Variants in MYO1D observed in about 807,000 individuals in gnomAD.
The protein encoded by MYO1D is myosin ID.
A neutral mutation model predicts 122.0 loss-of-function variants in MYO1D; 83 were observed. That is an observed-to-expected ratio of 0.68 (90% CI 0.57 to 0.82). MYO1D has a LOEUF of 0.82. MYO1D is among the 40% of genes least tolerant of loss of function. The pLI is 0.00. For missense variants in MYO1D, 1,157 were observed against 1,269.5 expected, an observed-to-expected ratio of 0.91 and a Z score of 1.35; for synonymous variants, 464 against 446.9, an observed-to-expected ratio of 1.04 and a Z score of -0.48.
At chr17:32,679,190 T>C (rs1014677484) in intron 16 of MYO1D, among the ~76,000 whole-genome samples, 9 of 151,356 alleles carry the variant, frequency 5.9e-5, no homozygotes, top group Middle Eastern at 3.4e-3. Context: ...TTGCGAAAAT[T>C]TTCTCCCATT....
intron 21 of MYO1D, among the ~76,000 whole-genome samples, chr17:32,566,492 G>A (rs1299562390): frequency 1.3e-5 from 2 of 152,062 alleles, no homozygotes; most frequent in Admixed American, 1.3e-4. Context: ...AGGTGAGCCT[G>A]CAGGTAAGTG....
At chr17:32,582,418 A>G (rs1411341404) in intron 21 of MYO1D, among the ~76,000 whole-genome samples, 3 of 152,214 alleles carry the variant, frequency 2.0e-5, no homozygotes, top group African/African-American at 7.2e-5. Flanking sequence ...CCTTTGACCT[A>G]TAAGTTACTT....
At chr17:32,506,368 G>C (rs1029519601) in intron 21 of MYO1D, among the ~76,000 whole-genome samples, 8 of 152,154 alleles carry the variant, frequency 5.3e-5, no homozygotes, top group Non-Finnish European at 1.2e-4. Flanking sequence ...AGCATTCAAA[G>C]GTCCATGTCT....
chr17:32,611,239 A>G (rs1373550224), intron 20 of MYO1D, among the ~76,000 whole-genome samples: 1 of 152,264 alleles, frequency 6.6e-6, no homozygotes, highest in Non-Finnish European at 1.5e-5. Context: ...TTACGAAATC[A>G]GCGCAAAACA....
intron 14 of MYO1D, among the ~76,000 whole-genome samples, chr17:32,725,172 A>T (rs562985492): frequency 6.6e-6 from 1 of 152,290 alleles, no homozygotes; most frequent in South Asian, 2.1e-4. Flanking sequence ...GAACTGAAAA[A>T]TATAATAAAG....
At chr17:32,706,182 A>T (rs1230765756) in intron 16 of MYO1D, among the ~76,000 whole-genome samples, 2 of 152,222 alleles carry the variant, frequency 1.3e-5, no homozygotes, top group Non-Finnish European at 2.9e-5. Context: ...ATCTCAGGTC[A>T]CTGCAACTTC....
At chr17:32,822,485 C>G (rs1055511348) in intron 1 of MYO1D, among the ~76,000 whole-genome samples, 5 of 147,154 alleles carry the variant, frequency 3.4e-5, no homozygotes, top group Non-Finnish European at 7.6e-5. Flanking sequence ...GCGGGGGGCG[C>G]GCGTCCCCGG....
intron 16 of MYO1D, among the ~76,000 whole-genome samples, chr17:32,702,478 C>T (rs1015565629): frequency 2.6e-5 from 4 of 151,706 alleles, no homozygotes; most frequent in African/African-American, 9.7e-5. Flanking sequence ...TAGCTTGAGG[C>T]TTTTTTTTCC....
Position 32,764,988 on chromosome 17 carries a change from C to G in MYO1D, c.925G>C (p.Asp309His), listed in dbSNP as rs767449548. 5 of 1,614,170 alleles carry G rather than the reference C, an allele frequency of 3.1e-6. No homozygotes were observed. The South Asian group carries it at 4.4e-5, about 14-fold the overall frequency. ...IIAELLSTKTDMVEKALLYRT... is the reference protein window; with the variant it reads ...IIAELLSTKTHMVEKALLYRT... ...TAAAGAAGGGCTTTCTCAACCATAT[C>G]TGTCTTAGTAGAGAGCAATTCTGCT... is the stretch of plus-strand genomic sequence containing the variant. The change falls in exon 8 of 22, where the codon GAT (aspartate) becomes CAT (histidine). Residue 309 changes from aspartate to histidine, a missense_variant. Coordinates refer to ENST00000318217, the MANE Select transcript of MYO1D (RefSeq NM_015194.3).
rs555282624 is a variant in MYO1D at position 32,552,101 on chromosome 17, G to A, written c.2864+52986C>T. 8.5e-5 allele frequency among the ~76,000 whole-genome samples: 13 copies of A among 152,194 alleles called. No individual in the cohort carries two copies. In the South Asian group the frequency reaches 2.3e-3, roughly 27 times the overall value. ...TTTTTGTTTTGTTTCGTTTGGACAG[G>A]GTCTTGCTTTGTTGCCTAGGCAGAG... On this transcript the variant is annotated intron_variant, in intron 21 of 21. Coordinates refer to ENST00000318217, the MANE Select transcript of MYO1D (RefSeq NM_015194.3).
chr17:32,741,546 G>T (rs2089772445), intron 13 of MYO1D, among the ~76,000 whole-genome samples: 1 of 152,040 alleles, frequency 6.6e-6, no homozygotes, highest in Non-Finnish European at 1.5e-5. Context: ...TTTATTTGTT[G>T]GGTTTATCTA....
chr17:32,810,589 G>A (rs2090562186), intron 1 of MYO1D, among the ~76,000 whole-genome samples: 1 of 151,604 alleles, frequency 6.6e-6, no homozygotes. Context: ...GGATTCTCCA[G>A]CCTCAGCCTC....
At chr17:32,852,118 A>G (rs779449619) in intron 1 of MYO1D, among the ~76,000 whole-genome samples, 3 of 152,158 alleles carry the variant, frequency 2.0e-5, no homozygotes, top group Non-Finnish European at 4.4e-5. Flanking sequence ...TTTGAAAAAC[A>G]CTTGATGAAA....
chr17:32,791,697 CTT>C (rs1244642389), intron 1 of MYO1D, among the ~76,000 whole-genome samples: 1 of 151,946 alleles, frequency 6.6e-6, no homozygotes, highest in Non-Finnish European at 1.5e-5. Flanking sequence ...TATCGTCTAC[CTT>C]TTTTGTAAAT....
chr17:32,803,458 T>C (rs1436556959), intron 1 of MYO1D, among the ~76,000 whole-genome samples: 1 of 152,136 alleles, frequency 6.6e-6, no homozygotes, highest in Non-Finnish European at 1.5e-5. Context: ...GAACTTCCAA[T>C]TTTTCAAGAA....
At chr17:32,718,972 CT>C (rs1230269548) in intron 15 of MYO1D, among the ~76,000 whole-genome samples, 1 of 152,192 alleles carries the variant, frequency 6.6e-6, no homozygotes, top group African/African-American at 2.4e-5. Flanking sequence ...CTTAATATTT[CT>C]GCCTAGATAC....
chr17:32,820,209 G>C (rs977673582), intron 1 of MYO1D, among the ~76,000 whole-genome samples: 3 of 152,170 alleles, frequency 2.0e-5, no homozygotes, highest in African/African-American at 7.2e-5. Context: ...ACAGTATGTA[G>C]GTTCCTCAAA....
chr17:32,829,026 C>A (rs1301645757), intron 1 of MYO1D, among the ~76,000 whole-genome samples: 2 of 152,150 alleles, frequency 1.3e-5, no homozygotes. Context: ...CAATTCCACA[C>A]AGACAGGAGA....
chr17:32,697,570 C>G lies in MYO1D; in HGVS notation c.2121+14418G>C, dbSNP rs945287115. On this transcript the variant is annotated intron_variant, in intron 16 of 21. Coordinates refer to ENST00000318217, the MANE Select transcript of MYO1D (RefSeq NM_015194.3). Reference sequence around the variant, plus strand: ...GCTTTGTAAATGCACCTTTCCCAACCTAGCCATAGCTCGAAAGTCACTTTT... The same window carrying G: ...GCTTTGTAAATGCACCTTTCCCAACGTAGCCATAGCTCGAAAGTCACTTTT... Among the ~76,000 whole-genome samples, 3 of 152,184 alleles carry G rather than the reference C, an allele frequency of 2.0e-5. No individual in the cohort carries two copies. In the East Asian group the frequency reaches 5.8e-4, roughly 29 times the overall value.
Sources: allele counts gnomAD v4.1 joint callset (sites outside exome capture counted in the v4.1 genomes callset), GRCh38; gene constraint gnomAD v4.1.1; transcripts MANE v1.5; gene names NCBI Gene and HGNC (gene_info 2026-07-23, HGNC 2026-07-21).